Variants in PPFIA2 observed in about 807,000 individuals in gnomAD.
PPFIA2 encodes the protein liprin-alpha-2.
PPFIA2 carries 46 observed loss-of-function variants against 175.5 expected under a neutral mutation model. The observed-to-expected ratio is 0.26, with a 90% CI of 0.21 to 0.34. PPFIA2 has a LOEUF of 0.34. Ranked by LOEUF, PPFIA2 falls within the 10% of genes least tolerant of loss-of-function variation. The pLI is 1.00. For synonymous variants in PPFIA2, 568 were observed against 511.4 expected, an observed-to-expected ratio of 1.11 and a Z score of -1.49; for missense variants, 1,179 against 1,506.1, an observed-to-expected ratio of 0.78 and a Z score of 3.60.
At chr12:81,598,343 C>G in intron 4 of PPFIA2, 1 of 1,142,158 alleles carries the variant, frequency 8.8e-7, no homozygotes, top group Non-Finnish European at 1.1e-6. Flanking sequence ...CAGAATCTGG[C>G]AGTGCTGTGG....
chr12:81,537,396 G>A (rs574278892), intron 4 of PPFIA2, among the ~76,000 whole-genome samples: 1 of 151,886 alleles, frequency 6.6e-6, no homozygotes, highest in South Asian at 2.1e-4. Context: ...GGGAGGAAGT[G>A]AACAAAAAGA....
intron 3 of PPFIA2, among the ~76,000 whole-genome samples, chr12:81,736,824 C>CTCCTGGA (rs2081638863): frequency 6.6e-6 from 1 of 151,882 alleles, no homozygotes; most frequent in Non-Finnish European, 1.5e-5. Flanking sequence ...TTCACTGTAA[C>CTCCTGGA]CTCAAACTCC....
intron 4 of PPFIA2, among the ~76,000 whole-genome samples, chr12:81,503,225 T>G (rs1318073211): frequency 6.6e-6 from 1 of 152,140 alleles, no homozygotes; most frequent in Non-Finnish European, 1.5e-5. Flanking sequence ...TTTAAATTTT[T>G]TTATTTTTAT....
intron 4 of PPFIA2, among the ~76,000 whole-genome samples, chr12:81,515,007 T>C (rs2062235303): frequency 6.6e-6 from 1 of 151,966 alleles, no homozygotes; most frequent in South Asian, 2.1e-4. Context: ...TAAGATCATA[T>C]ACAGCTAAAA....
At chr12:81,643,030 C>T (rs1450763189) in intron 4 of PPFIA2, among the ~76,000 whole-genome samples, 1 of 145,640 alleles carries the variant, frequency 6.9e-6, no homozygotes, top group Non-Finnish European at 1.5e-5. Flanking sequence ...ATATCTATGA[C>T]ATTTATTATT....
intron 2 of PPFIA2, among the ~76,000 whole-genome samples, chr12:81,757,991 TC>T (rs2084944115): frequency 6.6e-6 from 1 of 152,140 alleles, no homozygotes. Context: ...ATGAATATTC[TC>T]CCTCCTATTT....
At chr12:81,605,648 CAGCT>C (rs936965607) in intron 4 of PPFIA2, among the ~76,000 whole-genome samples, 9 of 138,846 alleles carry the variant, frequency 6.5e-5, no homozygotes, top group Non-Finnish European at 1.3e-4. Context: ...TCCATCCATC[CAGCT>C]ATCTATCTAT....
intron 3 of PPFIA2, among the ~76,000 whole-genome samples, chr12:81,701,931 A>G (rs1226045614): frequency 6.6e-6 from 1 of 151,496 alleles, no homozygotes; most frequent in Admixed American, 6.6e-5. Context: ...AAAAAAAAAA[A>G]AAAAAGTAAG....
chr12:81,544,021 A>T (rs1452524981), intron 4 of PPFIA2, among the ~76,000 whole-genome samples: 1 of 152,134 alleles, frequency 6.6e-6, no homozygotes, highest in Admixed American at 6.6e-5. Context: ...TTTGAACACA[A>T]AAAGGACCTT....
intron 13 of PPFIA2, 45 bp downstream of exon 13, chr12:81,368,680 A>G: frequency 1.3e-6 from 2 of 1,563,684 alleles, no homozygotes; most frequent in South Asian, 2.3e-5. Flanking sequence ...AACAAACATG[A>G]GCATTGCAAA....
intron 4 of PPFIA2, among the ~76,000 whole-genome samples, chr12:81,478,947 G>A (rs2057838675): frequency 6.6e-6 from 1 of 152,122 alleles, no homozygotes; most frequent in Admixed American, 6.6e-5. Context: ...TTGGTCCAGA[G>A]CTGAATTCGA....
At chr12:81,562,874 A>G (rs952786119) in intron 4 of PPFIA2, among the ~76,000 whole-genome samples, 108 of 149,534 alleles carry the variant, frequency 7.2e-4, no homozygotes, top group Non-Finnish European at 1.2e-3. Flanking sequence ...AAAAAAAAAA[A>G]AGAGAGAGTA....
chr12:81,308,474 G>C (rs1488486884), intron 22 of PPFIA2, among the ~76,000 whole-genome samples: 1 of 152,108 alleles, frequency 6.6e-6, no homozygotes, highest in Non-Finnish European at 1.5e-5. Context: ...CCAATAACCT[G>C]TCCACAGAGT....
chr12:81,363,993 A>G (rs2032107857), intron 14 of PPFIA2, among the ~76,000 whole-genome samples: 1 of 151,904 alleles, frequency 6.6e-6, no homozygotes, highest in African/African-American at 2.4e-5. Flanking sequence ...AGTAGAAAAG[A>G]TGAATAATAA....
Position 81,533,912 on chromosome 12 carries a change from G to GT in PPFIA2, c.304-76047dup, listed in dbSNP as rs543707726. ...TCTTTAAATTATCACTCCCTTGCTA[G>GT]TTTTTTTACCAAAATAAAAAAACGA... On this transcript the variant is annotated intron_variant, in intron 4 of 32. Coordinates refer to ENST00000549396, the MANE Select transcript of PPFIA2 (RefSeq NM_003625.5). 1.3e-4 allele frequency among the ~76,000 whole-genome samples: 20 copies of GT among 151,022 alleles called. 1 individual carries two copies. The highest frequency in any genetic ancestry group is 3.6e-4 in the African/African-American group (15 of 41,256).
intron 4 of PPFIA2, among the ~76,000 whole-genome samples, chr12:81,504,398 G>C (rs2060921640): frequency 6.6e-6 from 1 of 151,982 alleles, no homozygotes; most frequent in African/African-American, 2.4e-5. Flanking sequence ...TGAAAAAAAA[G>C]CTTATCACTG....
At chr12:81,508,035 G>A (rs2061362652) in intron 4 of PPFIA2, among the ~76,000 whole-genome samples, 1 of 152,056 alleles carries the variant, frequency 6.6e-6, no homozygotes, top group Non-Finnish European at 1.5e-5. Context: ...ACATAAATAA[G>A]TGCTAAGTTC....
intron 4 of PPFIA2, among the ~76,000 whole-genome samples, chr12:81,567,059 T>C (rs1186594706): frequency 6.6e-6 from 1 of 152,212 alleles, no homozygotes; most frequent in Non-Finnish European, 1.5e-5. Flanking sequence ...AAACTTTCTT[T>C]TTCTTGAGAC....
At chr12:81,749,251 A>G (rs2083438200) in intron 3 of PPFIA2, among the ~76,000 whole-genome samples, 1 of 144,238 alleles carries the variant, frequency 6.9e-6, no homozygotes, top group African/African-American at 2.4e-5. Flanking sequence ...TATCAACTTC[A>G]TAGTTCAAAT....
Sources: allele counts gnomAD v4.1 joint callset (sites outside exome capture counted in the v4.1 genomes callset), GRCh38; gene constraint gnomAD v4.1.1; transcripts MANE v1.5; gene names NCBI Gene and HGNC (gene_info 2026-07-23, HGNC 2026-07-21).